The following PTPRD variants were observed in gnomAD, a reference collection of about 807,000 sequenced individuals.
The protein encoded by PTPRD is receptor-type tyrosine-protein phosphatase delta.
PTPRD carries 34 observed loss-of-function variants against 214.5 expected under a neutral mutation model. The observed-to-expected ratio is 0.16, with a 90% CI of 0.12 to 0.21. The LOEUF (loss-of-function observed/expected upper bound fraction) is 0.21. Among genes scored for constraint, PTPRD ranks in the 10% least tolerant of loss-of-function variants. PTPRD has a pLI of 1.00. For synonymous variants in PTPRD, 1,128 were observed against 845.7 expected (o/e 1.33, Z -5.79); for missense variants, 2,545 against 2,398.7 (o/e 1.06, Z -1.27).
chr9:8,805,417 A>T (rs1185112177), intron 11 of PTPRD, among the ~76,000 whole-genome samples: 2 of 152,178 alleles, frequency 1.3e-5, no homozygotes, highest in African/African-American at 2.4e-5. Flanking sequence ...AAATGAAAAT[A>T]TTATGCACAT....
intron 9 of PTPRD, among the ~76,000 whole-genome samples, chr9:9,284,791 A>T (rs975679932): frequency 1.3e-5 from 2 of 151,904 alleles, no homozygotes; most frequent in Admixed American, 1.3e-4. Flanking sequence ...TCATGTGACC[A>T]CTTAACCTTA....
In PTPRD at chr9:9,780,802, G is replaced by C. The variant is rs527625235; in HGVS notation, c.-367-13951C>G. On this transcript the variant is annotated intron_variant, in intron 5 of 45. Transcript: ENST00000381196. ...AACTAAAATATCCATGAAAACAGTAGTTTATAAACAAACTCTGATACATCC... is the reference window on the plus strand; with the variant it reads ...AACTAAAATATCCATGAAAACAGTACTTTATAAACAAACTCTGATACATCC... 3.3e-5 allele frequency among the ~76,000 whole-genome samples: 5 copies of C among 152,120 alleles called. No homozygotes were observed. The East Asian group carries it at 9.6e-4, about 29-fold the overall frequency.
At chr9:9,574,981 G>C (rs1357689197) in intron 7 of PTPRD, among the ~76,000 whole-genome samples, 200 bp from the exon 8 acceptor site, 1 of 152,116 alleles carries the variant, frequency 6.6e-6, no homozygotes, top group Admixed American at 6.6e-5. Flanking sequence ...AAAGTATTGT[G>C]ATTTGGGCTC....
chr9:10,037,409 T>A (rs555311789), intron 3 of PTPRD, among the ~76,000 whole-genome samples: 29 of 152,198 alleles, frequency 1.9e-4, no homozygotes, highest in Middle Eastern at 6.8e-3. Flanking sequence ...CTCTGCACCC[T>A]TCCTCCTGTT....
At chr9:8,561,737 G>T (rs1416017468) in intron 14 of PTPRD, among the ~76,000 whole-genome samples, 1 of 147,810 alleles carries the variant, frequency 6.8e-6, no homozygotes, top group Non-Finnish European at 1.5e-5. Context: ...AAGTCTTTAG[G>T]AAAGGATCCT....
intron 8 of PTPRD, among the ~76,000 whole-genome samples, chr9:9,544,831 G>A (rs1204687730): frequency 6.6e-6 from 1 of 151,348 alleles, no homozygotes; most frequent in Admixed American, 6.6e-5. Context: ...TTTTATTATA[G>A]TTCAACTATA....
intron 5 of PTPRD, among the ~76,000 whole-genome samples, chr9:9,864,339 A>AACC (rs372919746): frequency 6.6e-5 from 10 of 151,854 alleles, no homozygotes; most frequent in African/African-American, 2.2e-4. Context: ...TAAAAAAAAA[A>AACC]AAAGTTTTGT....
chr9:9,808,391 A>T (rs1367099005), intron 5 of PTPRD, among the ~76,000 whole-genome samples: 1 of 152,186 alleles, frequency 6.6e-6, no homozygotes, highest in Admixed American at 6.5e-5. Flanking sequence ...TCCTTTCCAT[A>T]GAAATGAAAT....
intron 5 of PTPRD, among the ~76,000 whole-genome samples, chr9:9,896,394 C>T (rs1258951885): frequency 1.3e-5 from 2 of 151,968 alleles, no homozygotes; most frequent in Non-Finnish European, 2.9e-5. Flanking sequence ...ATGAATACAT[C>T]TTCACTAGTG....
intron 39 of PTPRD, among the ~76,000 whole-genome samples, chr9:8,355,178 A>G (rs146061988): frequency 6.6e-6 from 1 of 152,088 alleles, no homozygotes; most frequent in Non-Finnish European, 1.5e-5. Flanking sequence ...TGTTTAAAAT[A>G]GTGCGGCACC....
rs927480172 is a variant in PTPRD at position 9,858,672 on chromosome 9, G to C, written c.-368+79835C>G. 4.6e-5 allele frequency among the ~76,000 whole-genome samples: 7 copies of C among 152,170 alleles called. No individual in the cohort carries two copies. The South Asian group carries it at 1.5e-3, about 32-fold the overall frequency. ...AAACAAACTTCTGGCTTACAGGGTT[G>C]TATATAAAATTAAGAATGATATAAT... On this transcript the variant is annotated intron_variant, in intron 5 of 45. Transcript: ENST00000381196.
chr9:9,397,813 G>T (rs759920827), intron 8 of PTPRD, among the ~76,000 whole-genome samples: 1 of 151,784 alleles, frequency 6.6e-6, no homozygotes, highest in Non-Finnish European at 1.5e-5. Flanking sequence ...ATACAATCTT[G>T]GTCCTGGCAC....
At chr9:8,402,247 G>A (rs1233754363) in intron 36 of PTPRD, among the ~76,000 whole-genome samples, 3 of 152,178 alleles carry the variant, frequency 2.0e-5, no homozygotes, top group Non-Finnish European at 4.4e-5. Flanking sequence ...TGTGAACACA[G>A]CACTATAAAA....
rs182808103 is a variant in PTPRD, at chr9:10,328,394, G to C, written c.-545+12569C>G. On this transcript the variant is annotated intron_variant, in intron 3 of 45. Transcript: ENST00000381196. ...GTAGGGGGGTTTCTGGGGTGCTCTT[G>C]CCTTAAAAAGTAAGAGCAGCTTTTT... Among the ~76,000 whole-genome samples the C allele has an allele frequency of 2.0e-5, 3 of 151,796 alleles. No individual in the cohort carries two copies. The East Asian group carries it at 5.9e-4, about 30-fold the overall frequency.
chr9:9,520,140 T>G (rs1464463887), intron 8 of PTPRD, among the ~76,000 whole-genome samples: 1 of 136,968 alleles, frequency 7.3e-6, no homozygotes, highest in African/African-American at 2.4e-5. Context: ...TGTTCTCACC[T>G]CAATCTATTT....
At chr9:8,709,870 G>T (rs950061748) in intron 12 of PTPRD, among the ~76,000 whole-genome samples, 2 of 152,150 alleles carry the variant, frequency 1.3e-5, no homozygotes, top group African/African-American at 4.8e-5. Context: ...GTGCAATAAA[G>T]ATGGGCAAAT....
intron 3 of PTPRD, among the ~76,000 whole-genome samples, chr9:10,212,447 G>T (rs1398605305): frequency 6.6e-6 from 1 of 151,986 alleles, no homozygotes; most frequent in Non-Finnish European, 1.5e-5. Flanking sequence ...TCAGTTTGAA[G>T]ACAATATTAA....
At chr9:9,947,560 T>A (rs34129030) in intron 4 of PTPRD, among the ~76,000 whole-genome samples, 4 of 38,180 alleles carry the variant, frequency 1.0e-4, no homozygotes, top group South Asian at 6.2e-4. Context: ...ATTATATATA[T>A]ATTTTATATA....
At chr9:9,813,372 A>G (rs965202144) in intron 5 of PTPRD, among the ~76,000 whole-genome samples, 3 of 115,568 alleles carry the variant, frequency 2.6e-5, no homozygotes, top group African/African-American at 1.4e-4. Flanking sequence ...AAGAAAAACA[A>G]AATTGATAAA....
Sources: gnomAD v4.1 joint callset for allele counts (sites outside exome capture counted in the v4.1 genomes callset) on GRCh38, gnomAD v4.1.1 for gene constraint, MANE v1.5 for transcripts, NCBI Gene and HGNC (gene_info 2026-07-23, HGNC 2026-07-21) for gene names.